Variants in ZNF425 observed in about 807,000 individuals in gnomAD.
ZNF425 encodes zinc finger protein 425.
ZNF425 carries 21 observed loss-of-function variants against 17.0 expected under a neutral mutation model. The ratio of observed to expected loss-of-function variants is 1.23; its 90% CI spans 0.88 to 1.78. The LOEUF is 1.78. Ranked by LOEUF, ZNF425 falls within the 40% of genes most tolerant of loss-of-function variation. The pLI is 0.00. For synonymous variants in ZNF425, 433 were observed against 384.1 expected (o/e 1.13, Z -1.49); for missense variants, 868 against 967.3 (o/e 0.90, Z 1.36).
At chr7:149,112,576 T>A (rs1826191218) in intron 2 of ZNF425, among the ~76,000 whole-genome samples, 1 of 152,170 alleles carries the variant, frequency 6.6e-6, no homozygotes, top group Admixed American at 6.6e-5. Flanking sequence ...GAGGTTATAG[T>A]GAGTAGAGAT....
rs1826044452 is a variant in ZNF425 at position 149,104,632 on chromosome 7, G to C, written c.1239C>G (p.Pro413=). The C allele has an allele frequency of 6.2e-7, 1 of 1,614,156 alleles. No individual in the cohort carries two copies. Among genetic ancestry groups the C allele is most frequent in the South Asian group, 1.1e-5 (1 of 91,090 alleles). Residue 413 remains proline (P), a synonymous_variant, in exon 4 of 4, where the codon CCC becomes CCG. Transcript: ENST00000378061. The surrounding 1 kb of genome is among the most constrained non-coding windows in gnomAD (Gnocchi z 4.3). ...TTTTGTTACACTCGGGACACGAAAAGGGCTTCTCTCCCGTGTGAACTCTGA... is the reference window on the plus strand; with the variant it reads ...TTTTGTTACACTCGGGACACGAAAACGGCTTCTCTCCCGTGTGAACTCTGA... The part of the protein sequence containing the change: ...EHIRVHTGEK[P]FSCPECNKSF...
At chr7:149,110,561 A>T (rs182069974) in intron 3 of ZNF425, among the ~76,000 whole-genome samples, 1 of 148,986 alleles carries the variant, frequency 6.7e-6, no homozygotes, top group Non-Finnish European at 1.5e-5. Flanking sequence ...GTGAGACTCC[A>T]TCTCACAAAA....
intron 2 of ZNF425, among the ~76,000 whole-genome samples, chr7:149,113,874 G>A (rs1454441566): frequency 2.0e-5 from 3 of 151,714 alleles, no homozygotes; most frequent in African/African-American, 4.8e-5. Flanking sequence ...AATTAGCCAG[G>A]TGCGGTGGTG....
chr7:149,109,406 AT>A (rs993093010), intron 3 of ZNF425, among the ~76,000 whole-genome samples: 4 of 151,926 alleles, frequency 2.6e-5, no homozygotes, highest in African/African-American at 9.7e-5. Context: ...AATGTAATAG[AT>A]TTGTTCCTGT....
In ZNF425 at chr7:149,105,433, T is replaced by A. The variant is rs138031374; in HGVS notation, c.438A>T (p.Pro146=). 9.6e-6 allele frequency: 15 copies of A among 1,556,354 alleles called. No individual in the cohort carries two copies. In the African/African-American group the frequency reaches 1.8e-4, roughly 19 times the overall value. Reference sequence around the variant, plus strand: ...TTAGAATCTCTGTTTCTCGGAGACTTGGAGACTGGAAGGTGGCTGTTTGAG... The same window carrying A: ...TTAGAATCTCTGTTTCTCGGAGACTAGGAGACTGGAAGGTGGCTGTTTGAG... ...LLAQTATFQS[P]SLRETEILNK... is the part of the protein sequence containing the mutation. The change falls in exon 4 of 4, where the codon CCA becomes CCT. Residue 146 remains proline (P), a synonymous_variant. Transcript: ENST00000378061.
intron 3 of ZNF425, among the ~76,000 whole-genome samples, chr7:149,109,878 TC>T (rs1420221828): frequency 6.7e-6 from 1 of 149,828 alleles, no homozygotes; most frequent in African/African-American, 2.5e-5. Flanking sequence ...ATTTTCTTTT[TC>T]TTTTTTTTTT....
chr7:149,104,196 A>C lies in ZNF425; in HGVS notation c.1675T>G (p.Cys559Gly). 3.7e-6 allele frequency: 6 copies of C among 1,612,862 alleles called. No individual in the cohort carries two copies. The highest frequency in any genetic ancestry group is 3.3e-5 in the Admixed American group (2 of 59,958). The change falls in exon 4 of 4, where the codon TGC (cysteine) becomes GGC (glycine). Residue 559 changes from cysteine to glycine, a missense_variant. Physicochemically the swap from Cys to Gly is radical, Grantham distance 159. This residue lies in a region of ZNF425 where 437 missense variants were observed against 444.2 expected (regional missense o/e 0.98). Coordinates refer to ENST00000378061, the MANE Select transcript of ZNF425 (RefSeq NM_001001661.3). This position sits in a 1 kb window ranked among gnomAD's most constrained non-coding sequence, Gnocchi z 4.3. ...SGEEPFQCPE[C>G]DKSFSWKASM... ...GCCTTCCAGGAGAAGCTCTTGTCGCACTCGGGACACTGGAAGGGCTCCTCG... is the reference window on the plus strand; with the variant it reads ...GCCTTCCAGGAGAAGCTCTTGTCGCCCTCGGGACACTGGAAGGGCTCCTCG...
At chr7:149,126,005 G>A in intron 1 of ZNF425, 191 bp downstream of exon 1, 1 of 1,231,196 alleles carries the variant, frequency 8.1e-7, no homozygotes, top group Non-Finnish European at 1.2e-6. Context: ...CTTTTCCCCA[G>A]GTCAATTCCA....
At chr7:149,122,665 G>C (rs1411046489) in intron 1 of ZNF425, among the ~76,000 whole-genome samples, 1 of 152,028 alleles carries the variant, frequency 6.6e-6, no homozygotes, top group Non-Finnish European at 1.5e-5. Context: ...TTTTGTAGCT[G>C]TGTTTTACAT....
At chr7:149,126,103 C>G (rs1356100915) in intron 1 of ZNF425, 93 bp downstream of exon 1, 13 of 1,593,298 alleles carry the variant, frequency 8.2e-6, no homozygotes. Context: ...GCCCAGGCCC[C>G]GGCCGCCCCA....
chr7:149,111,420 T>C (rs1006469668), intron 3 of ZNF425, among the ~76,000 whole-genome samples: 2 of 150,818 alleles, frequency 1.3e-5, no homozygotes, highest in African/African-American at 4.9e-5. Context: ...TGAAACCCCT[T>C]CTCTACTAAA....
chr7:149,105,091 G>A lies in ZNF425; in HGVS notation c.780C>T (p.Ser260=). Residue 260 remains serine, a synonymous_variant, in exon 4 of 4, where the codon AGC becomes AGT. Transcript: ENST00000378061. ...ECEKSYFLKG[S]LVTHQVVHTG... ...TGTGGACAACCTGATGAGTGACGAG[G>A]CTGCCCTTCAGGAAGTAGCTCTTCT... 1.2e-6 allele frequency: 2 copies of A among 1,614,236 alleles called. No individual in the cohort carries two copies. The highest frequency in any genetic ancestry group is 1.7e-6 in the Non-Finnish European group (2 of 1,180,028).
In ZNF425 at chr7:149,112,275, C is replaced by G. The variant is rs144417073; in HGVS notation, c.166G>C (p.Asp56His). ...CCTTGTTCCATCCATGTGATCAAAT[C>G]TGGCTTGGAAAAAGCATACCCTGCA... ...DSLGYAFSKP[D>H]LITWMEQGRM... The change falls in exon 3 of 4, where the codon GAT becomes CAT. Residue 56 changes from aspartate (D) to histidine (H), a missense_variant. This residue lies in a region of ZNF425 where 179 missense variants were observed against 216.3 expected (regional missense o/e 0.83). Transcript: ENST00000378061. 42 of 1,613,766 alleles carry G rather than the reference C, an allele frequency of 2.6e-5. No homozygotes were observed. Among genetic ancestry groups the G allele is most frequent in the Non-Finnish European group, 3.6e-5 (42 of 1,179,840 alleles).
chr7:149,122,183 C>T (rs1167970128), intron 1 of ZNF425, among the ~76,000 whole-genome samples: 5 of 151,622 alleles, frequency 3.3e-5, no homozygotes, highest in African/African-American at 7.3e-5. Flanking sequence ...CGCCCACTCT[C>T]GGCCTCCCAA....
Position 149,105,644 on chromosome 7 carries a change from T to TTTATTA in ZNF425, c.305-84_305-79dup, listed in dbSNP as rs60932851. 319 of 925,636 alleles carry TTTATTA rather than the reference T, an allele frequency of 3.4e-4. 1 individual carries two copies. The African/African-American group carries it at 5.1e-3, about 15-fold the overall frequency. 57.3% of individuals were successfully genotyped at this position (925,636 alleles called of 1,614,324 possible). On this transcript the variant is annotated intron_variant, in intron 3 of 3. Coordinates refer to ENST00000378061, the MANE Select transcript of ZNF425 (RefSeq NM_001001661.3). ...GGGTTCAAGGACTGTCTTTTAAAAATTTATTATTATTATTATTATTTTTTG... is the reference window on the plus strand; with the variant it reads ...GGGTTCAAGGACTGTCTTTTAAAAATTTATTATTATTATTATTATTATTATTTTTTG...
At chr7:149,107,589 G>A (rs1826102851) in intron 3 of ZNF425, among the ~76,000 whole-genome samples, 1 of 151,758 alleles carries the variant, frequency 6.6e-6, no homozygotes, top group Non-Finnish European at 1.5e-5. Context: ...TGCCCGCCTT[G>A]GCTTCCCAAA....
chr7:149,123,994 C>G (rs1250977367), intron 1 of ZNF425, among the ~76,000 whole-genome samples: 1 of 150,978 alleles, frequency 6.6e-6, no homozygotes, highest in African/African-American at 2.4e-5. Context: ...ACTACAGGCG[C>G]CCACCACCAC....
chr7:149,115,844 T>C (rs1280325456), intron 2 of ZNF425, among the ~76,000 whole-genome samples: 1 of 152,170 alleles, frequency 6.6e-6, no homozygotes, highest in Non-Finnish European at 1.5e-5. Flanking sequence ...ACCGCCAGCA[T>C]TAGCAGCACC....
Position 149,105,070 on chromosome 7 carries a change from G to C in ZNF425, c.801C>G (p.Val267=), listed in dbSNP as rs767030287. ...LKGSLVTHQV[V]HTGQRPYPCP... ...ATGGGTAGGGCCGCTGGCCGGTGTG[G>C]ACAACCTGATGAGTGACGAGGCTGC... Residue 267 remains valine (V), a synonymous_variant, in exon 4 of 4, where the codon GTC becomes GTG. Transcript: ENST00000378061. The C allele has an allele frequency of 1.2e-6, 2 of 1,614,128 alleles. No individual in the cohort carries two copies. Among genetic ancestry groups the C allele is most frequent in the Non-Finnish European group, 1.7e-6 (2 of 1,180,056 alleles).
Sources: allele counts gnomAD v4.1 joint callset (sites outside exome capture counted in the v4.1 genomes callset), GRCh38; gene constraint gnomAD v4.1.1; regional missense constraint gnomAD v4.1.1; non-coding constraint Gnocchi (gnomAD v3.1); transcripts MANE v1.5; gene names NCBI Gene and HGNC (gene_info 2026-07-23, HGNC 2026-07-21).